Variants in CREBZF observed in about 807,000 individuals in gnomAD.
The protein encoded by CREBZF is HCF-binding transcription factor Zhangfei.
In CREBZF, 8 loss-of-function variants were observed where a neutral mutation model predicts 21.1. The observed-to-expected ratio is 0.38, with a 90% confidence interval of 0.22 to 0.68. CREBZF has a LOEUF of 0.68. Ranked by LOEUF, CREBZF falls within the 30% of genes least tolerant of loss-of-function variation. The pLI is 0.51. For synonymous variants in CREBZF, 270 were observed against 223.3 expected (o/e 1.21, Z -1.86); for missense variants, 518 against 484.3 (o/e 1.07, Z -0.65).
chr11:85,676,964 TTCTG>T lies in CREBZF; in HGVS notation n.147+5749_147+5752del, dbSNP rs1176868350. Reference sequence around the variant, plus strand: ...TGCCTGTAAAGTAATTTTTTTCTTTTTCTGTCTTTTTTTTTTTGAGACAGAATGT... The same window carrying T: ...TGCCTGTAAAGTAATTTTTTTCTTTTTCTTTTTTTTTTTGAGACAGAATGT... On this transcript the variant is annotated intron_variant and non_coding_transcript_variant, in intron 1 of 3. Transcript: ENST00000531515. Among the ~76,000 whole-genome samples the T allele has an allele frequency of 7.9e-5, 11 of 138,548 alleles. 1 individual carries two copies. The highest frequency in any genetic ancestry group is 3.6e-4 in the Admixed American group (5 of 13,730). The allele number at this position is 138,548 out of a possible 152,430, so 90.9% of individuals were successfully genotyped here.
chr11:85,666,169 T>C (rs1365195773), upstream of CREBZF, among the ~76,000 whole-genome samples: 1 of 152,258 alleles, frequency 6.6e-6, no homozygotes, highest in East Asian at 1.9e-4. Flanking sequence ...TCTTTTATTT[T>C]AGAGACCTTT....
At position 85,663,886 on chromosome 11, in the gene CREBZF, A is replaced by G. The variant is rs1298296457; in HGVS notation, c.990T>C (p.His330=). The G allele has an allele frequency of 6.8e-6, 11 of 1,612,512 alleles. No individual in the cohort carries two copies. Among genetic ancestry groups the G allele is most frequent in the East Asian group, 2.2e-5 (1 of 44,870 alleles). ...CCACCGACACCTTATCCTTGTCCAC[A>G]TGGAGACAGACTCCTCCCGCCGAGT... The part of the protein sequence containing the change: ...EDDSAGGVCL[H]VDKDKVSVEF... The change falls in exon 1 of 1, where the codon CAT becomes CAC. Residue 330 remains histidine, a synonymous_variant. Coordinates refer to ENST00000527447, the MANE Select transcript of CREBZF (RefSeq NM_001039618.4).
In CREBZF at chr11:85,663,439, T is replaced by C. The variant is rs1591479553; in HGVS notation, c.*372A>G. Reference sequence around the variant, plus strand: ...TCCAAAACAGAAAAAAAAAAAAAAATCACACACACACAAACTGAGATGTTG... The same window carrying C: ...TCCAAAACAGAAAAAAAAAAAAAAACCACACACACACAAACTGAGATGTTG... On this transcript the variant is annotated 3_prime_UTR_variant, in exon 1 of 1. Coordinates refer to ENST00000527447, the MANE Select transcript of CREBZF (RefSeq NM_001039618.4). 3.2e-6 allele frequency: 2 copies of C among 628,476 alleles called. No individual in the cohort carries two copies. The highest frequency in any genetic ancestry group is 1.8e-5 in the South Asian group (1 of 54,396). 38.9% of individuals were successfully genotyped at this position (628,476 alleles called of 1,614,324 possible). A position where few individuals can be genotyped will look rare whatever the true frequency, so the allele number is the denominator to read the frequency against.
intron 1 of CREBZF, chr11:85,682,610 C>CCCCCG: frequency 5.7e-6 from 2 of 350,364 alleles, no homozygotes; most frequent in Non-Finnish European, 4.9e-6. Context: ...CCCTACTCCC[C>CCCCCG]CCAACGCGAT....
At chr11:85,672,094 A>C (rs1375830902) in intron 1 of CREBZF, among the ~76,000 whole-genome samples, 2 of 152,220 alleles carry the variant, frequency 1.3e-5, no homozygotes, top group Non-Finnish European at 2.9e-5. Flanking sequence ...TCAATTCTTG[A>C]CTTCTGTGCA....
Position 85,662,614 on chromosome 11 carries a change from G to A in CREBZF, c.*1197C>T. 2 of 496,420 alleles carry A rather than the reference G, an allele frequency of 4.0e-6. No individual in the cohort carries two copies. The highest frequency in any genetic ancestry group is 3.7e-5 in the South Asian group (1 of 26,894). 30.8% of individuals were successfully genotyped at this position (496,420 alleles called of 1,614,324 possible). A position where few individuals can be genotyped will look rare whatever the true frequency, so the allele number is the denominator to read the frequency against. On this transcript the variant is annotated 3_prime_UTR_variant, in exon 1 of 1. Transcript: ENST00000527447. ...ATTCAAGGGAATAAATCCCACCTTA[G>A]GAAAATAGTACCAATCGTGTCATTT...
chr11:85,670,902 G>T (rs902720002), intron 1 of CREBZF, among the ~76,000 whole-genome samples: 42 of 152,188 alleles, frequency 2.8e-4, no homozygotes, highest in Non-Finnish European at 5.0e-4. Flanking sequence ...AGCTTATTAG[G>T]GTGGGTTCTA....
At chr11:85,670,300 CTTTT>C (rs1178979017) in intron 1 of CREBZF, among the ~76,000 whole-genome samples, 3 of 39,218 alleles carry the variant, frequency 7.6e-5, no homozygotes, top group East Asian at 1.0e-3. Flanking sequence ...ATCTCAAGTT[CTTTT>C]TTTTTTTTTT....
At chr11:85,682,612 CAACGCGATCTTCCAGACGCGCTCTT>C in intron 1 of CREBZF, 168 of 291,082 alleles carry the variant, frequency 5.8e-4, no homozygotes, top group South Asian at 1.1e-3. Flanking sequence ...CTACTCCCCC[CAACGCGATCTTCCAGACGCGCTCTT>C]CCCCCATATA....
chr11:85,675,517 C>T (rs527714722), intron 1 of CREBZF, among the ~76,000 whole-genome samples: 3 of 152,198 alleles, frequency 2.0e-5, no homozygotes, highest in East Asian at 1.9e-4. Context: ...CACCCCCAAA[C>T]AATTACAATA....
Position 85,661,865 on chromosome 11 carries a change from T to C in CREBZF, c.*1946A>G, listed in dbSNP as rs1260623995. ...TGTTCAAGTATTAGTTAAATTTCAA[T>C]TCAAGGCTTCTGTTTCAAAAAAGCT... On this transcript the variant is annotated 3_prime_UTR_variant, in exon 1 of 1. Coordinates refer to ENST00000527447, the MANE Select transcript of CREBZF (RefSeq NM_001039618.4). 2 of 152,152 alleles carry C rather than the reference T, an allele frequency of 1.3e-5. No homozygotes were observed. The highest frequency in any genetic ancestry group is 4.8e-5 in the African/African-American group (2 of 41,332). The allele number at this position is 152,152 out of a possible 1,614,324, so 9.4% of individuals were successfully genotyped here. A position where few individuals can be genotyped will look rare whatever the true frequency, so the allele number is the denominator to read the frequency against.
In CREBZF at chr11:85,664,028, C is replaced by T. The variant is rs762225182; in HGVS notation, c.848G>A (p.Arg283Gln). ...CAGCCGCAGTCCCACGCCGCTCAGCCGGCTCAGCAAGCGAGCCAGTCCAGT... is the reference window on the plus strand; with the variant it reads ...CAGCCGCAGTCCCACGCCGCTCAGCTGGCTCAGCAAGCGAGCCAGTCCAGT... ...NETGLARLLS[R>Q]LSGVGLRLTT... The change falls in exon 1 of 1, where the codon CGG becomes CAG. Residue 283 changes from arginine to glutamine, a missense_variant. By Grantham distance (43) the Arg-to-Gln change is conservative. Coordinates refer to ENST00000527447, the MANE Select transcript of CREBZF (RefSeq NM_001039618.4). The surrounding 1 kb of genome is among the most constrained non-coding windows in gnomAD (Gnocchi z 5.5). The T allele has an allele frequency of 8.1e-6, 13 of 1,613,138 alleles. No individual in the cohort carries two copies. Among genetic ancestry groups the T allele is most frequent in the Non-Finnish European group, 1.1e-5 (13 of 1,179,974 alleles).
In CREBZF at chr11:85,673,618, T is replaced by TG. The variant is rs528851919; in HGVS notation, n.147+9098dup. ...CATTAAGGTAGTGGTTGCTGAAGGT[T>TG]GGGGTGACTGTGGCATTTCTTAAAA... On this transcript the variant is annotated intron_variant and non_coding_transcript_variant, in intron 1 of 3. Coordinates refer to the CREBZF transcript ENST00000531515. Among the ~76,000 whole-genome samples, 18 of 152,306 alleles carry TG rather than the reference T, an allele frequency of 1.2e-4. 1 individual carries two copies. The highest frequency in any genetic ancestry group is 3.6e-4 in the African/African-American group (15 of 41,572).
upstream of CREBZF, among the ~76,000 whole-genome samples, chr11:85,667,966 TA>T (rs10632068): frequency 7.7e-4 from 113 of 146,684 alleles, no homozygotes; most frequent in African/African-American, 9.7e-4. Context: ...TAAGACTATG[TA>T]AAAAAAAAAA....
intron 1 of CREBZF, among the ~76,000 whole-genome samples, chr11:85,674,247 T>C (rs2082929470): frequency 6.6e-6 from 1 of 152,248 alleles, no homozygotes; most frequent in African/African-American, 2.4e-5. Context: ...AACTCCTTGA[T>C]TCATGGCTTG....
Position 85,664,833 on chromosome 11 carries a change from T to G in CREBZF, c.43A>C (p.Asn15His). 2 of 1,537,550 alleles carry G rather than the reference T, an allele frequency of 1.3e-6. No homozygotes were observed. Among genetic ancestry groups the G allele is most frequent in the South Asian group, 1.3e-5 (1 of 79,946 alleles). Residue 15 changes from asparagine to histidine, a missense_variant, in exon 1 of 1, where the codon AAC becomes CAC. Physicochemically the swap from Asn to His is moderately conservative, Grantham distance 68 (BLOSUM62 1). Coordinates refer to ENST00000527447, the MANE Select transcript of CREBZF (RefSeq NM_001039618.4). The surrounding 1 kb of genome is among the most constrained non-coding windows in gnomAD (Gnocchi z 5.5). Reference protein sequence around the residue: ...LTKLLAASGSNSPTRSESPEP... With the variant: ...LTKLLAASGSHSPTRSESPEP... ...GGGCTCTCACTGCGGGTTGGGGAGT[T>G]GCTGCCCGAGGCTGCCAGCAGCTTG... is the stretch of plus-strand genomic sequence containing the variant.
At chr11:85,682,526 C>T (rs549497490) in intron 1 of CREBZF, among the ~76,000 whole-genome samples, 3 of 152,292 alleles carry the variant, frequency 2.0e-5, no homozygotes, top group South Asian at 4.1e-4. Flanking sequence ...TGGAACAGTA[C>T]CGTCCTCAGA....
At position 85,664,094 on chromosome 11, in the gene CREBZF, T is replaced by A; in HGVS notation, c.782A>T (p.Gln261Leu). 2 of 1,613,622 alleles carry A rather than the reference T, an allele frequency of 1.2e-6. No individual in the cohort carries two copies. The highest frequency in any genetic ancestry group is 8.5e-7 in the Non-Finnish European group (1 of 1,180,028). Reference protein sequence around the residue: ...RELGKRVQALQEESRYLRAVL... With the variant: ...RELGKRVQALLEESRYLRAVL... ...TGCCCGTAGGTAGCGACTCTCCTCC[T>A]GCAGTGCCTGTACGCGTTTGCCCAG... The change falls in exon 1 of 1, where the codon CAG (glutamine) becomes CTG (leucine). Residue 261 changes from glutamine to leucine, a missense_variant. By Grantham distance (113) the Gln-to-Leu change is moderately radical (BLOSUM62 -2). Around this residue, in one of 3 missense-constraint regions of CREBZF, gnomAD observed 114 missense variants for 134.1 expected, o/e 0.85. Transcript: ENST00000527447. The surrounding 1 kb of genome is among the most constrained non-coding windows in gnomAD (Gnocchi z 5.5).
intron 1 of CREBZF, among the ~76,000 whole-genome samples, chr11:85,675,287 T>C (rs1481493272): frequency 6.6e-6 from 1 of 152,242 alleles, no homozygotes; most frequent in Non-Finnish European, 1.5e-5. Context: ...TAATCATTTC[T>C]AGCTTTTGAC....
Sources: gnomAD v4.1 joint callset for allele counts (sites outside exome capture counted in the v4.1 genomes callset) on GRCh38, gnomAD v4.1.1 for gene constraint, gnomAD v4.1.1 regional missense constraint, Gnocchi (gnomAD v3.1) non-coding constraint, MANE v1.5 for transcripts, NCBI Gene and HGNC (gene_info 2026-07-23, HGNC 2026-07-21) for gene names.